The following KCTD10 variants were observed in gnomAD, a reference collection of about 807,000 sequenced individuals.
The protein encoded by KCTD10 is potassium channel tetramerization domain containing 10.
A neutral mutation model predicts 34.6 loss-of-function variants in KCTD10; 13 were observed. That is an observed-to-expected ratio of 0.38 (90% CI 0.24 to 0.60). The LOEUF (loss-of-function observed/expected upper bound fraction) is 0.60. Among genes scored for constraint, KCTD10 ranks in the 20% least tolerant of loss-of-function variants. KCTD10 has a pLI of 0.66. For missense variants in KCTD10, 256 were observed against 420.3 expected (o/e 0.61, Z 3.42); for synonymous variants, 156 against 168.8 (o/e 0.92, Z 0.59).
chr12:109,469,187 G>A, intron 2 of KCTD10: 1 of 305,524 alleles, frequency 3.3e-6, no homozygotes, highest in Non-Finnish European at 6.2e-6. Flanking sequence ...ATGGGGAGCT[G>A]AGACTGAAAC....
At chr12:109,452,851 T>TTTTTTTTTTTTTC (rs1872846555) in intron 6 of KCTD10, among the ~76,000 whole-genome samples, 1 of 151,536 alleles carries the variant, frequency 6.6e-6, no homozygotes, top group Non-Finnish European at 1.5e-5. Flanking sequence ...TTTCCTTTTT[T>TTTTTTTTTTTTTC]TTTAAAAGAT....
Position 109,460,924 on chromosome 12 carries a change from AGAATGGCAGC to A in KCTD10, c.218-129_218-120del, listed in dbSNP as rs1265180208. On this transcript the variant is annotated intron_variant, in intron 2 of 6. Coordinates refer to ENST00000228495, the MANE Select transcript of KCTD10 (RefSeq NM_031954.5). This position sits in a 1 kb window ranked among gnomAD's most constrained non-coding sequence, Gnocchi z 4.5. The stretch of plus-strand genomic sequence containing the variant: ...CCCAGCGGAGAGCGGGACTGCCTGG[AGAATGGCAGC>A]CTCACCTGCCTACCTGCCCACTAAG... 207 of 1,032,654 alleles carry A rather than the reference AGAATGGCAGC, an allele frequency of 2.0e-4. No homozygotes were observed. In the African/African-American group the frequency reaches 2.4e-3, roughly 12 times the overall value. The allele number at this position is 1,032,654 out of a possible 1,614,324, so 64.0% of individuals were successfully genotyped here.
chr12:109,467,176 A>T (rs1216772285), intron 2 of KCTD10, among the ~76,000 whole-genome samples: 1 of 152,254 alleles, frequency 6.6e-6, no homozygotes, highest in Non-Finnish European at 1.5e-5. Flanking sequence ...GCAGACAGTA[A>T]GAGGCAGCAA....
chr12:109,457,944 A>G, intron 4 of KCTD10, 48 bp downstream of exon 4: 1 of 1,451,648 alleles, frequency 6.9e-7, no homozygotes, highest in Non-Finnish European at 9.7e-7. Flanking sequence ...AAGAACCTCC[A>G]TCATTTCTGG....
At chr12:109,461,300 T>G (rs1323871827) in intron 2 of KCTD10, among the ~76,000 whole-genome samples, 1 of 152,230 alleles carries the variant, frequency 6.6e-6, no homozygotes. Flanking sequence ...CTGTGACCTC[T>G]GACTCCCAAG....
chr12:109,458,387 T>A, intron 3 of KCTD10: 2 of 260,820 alleles, frequency 7.7e-6, no homozygotes, highest in East Asian at 7.9e-5. Flanking sequence ...CGTGTTTTAA[T>A]CAAAAGCTCC....
At chr12:109,472,646 A>G (rs1189981374) in intron 1 of KCTD10, among the ~76,000 whole-genome samples, 1 of 152,356 alleles carries the variant, frequency 6.6e-6, no homozygotes, top group Non-Finnish European at 1.5e-5. Context: ...TGCTAGACTT[A>G]TACAACTGGC....
intron 6 of KCTD10, among the ~76,000 whole-genome samples, chr12:109,455,760 G>A (rs569342963): frequency 6.6e-6 from 1 of 152,332 alleles, no homozygotes; most frequent in South Asian, 2.1e-4. Flanking sequence ...ATCTCTAGCA[G>A]CACTATGCAG....
At chr12:109,464,720 C>A in intron 2 of KCTD10, 1 of 404,116 alleles carries the variant, frequency 2.5e-6, no homozygotes, top group Non-Finnish European at 5.0e-6. Flanking sequence ...CACATAAAAA[C>A]ATGCTCAACG....
At chr12:109,461,874 G>A (rs930411966) in intron 2 of KCTD10, among the ~76,000 whole-genome samples, 2 of 152,256 alleles carry the variant, frequency 1.3e-5, no homozygotes, top group African/African-American at 2.4e-5. Flanking sequence ...ATGCCAGTGC[G>A]CAGGGCCGTG....
intron 6 of KCTD10, among the ~76,000 whole-genome samples, chr12:109,454,704 G>C (rs1163102779): frequency 6.6e-6 from 1 of 152,178 alleles, no homozygotes; most frequent in African/African-American, 2.4e-5. Context: ...ACTCAAGCCT[G>C]GGTGACAGAG....
rs570096018 is a variant in KCTD10 at position 109,476,703 on chromosome 12, T to C, written c.3+557A>G. Among the ~76,000 whole-genome samples the C allele has an allele frequency of 1.7e-4, 26 of 152,180 alleles. No individual in the cohort carries two copies. In the Middle Eastern group the frequency reaches 0.014, roughly 80 times the overall value. ...AGCCTGCTGGGCTCTCTCGATTTCT[T>C]TCCCTCACTGGGCCGTGTGTTCAGA... is the stretch of plus-strand genomic sequence containing the variant. On this transcript the variant is annotated intron_variant, in intron 1 of 6. Coordinates refer to ENST00000228495, the MANE Select transcript of KCTD10 (RefSeq NM_031954.5).
chr12:109,476,236 G>C (rs1296831686), intron 1 of KCTD10, among the ~76,000 whole-genome samples: 1 of 152,180 alleles, frequency 6.6e-6, no homozygotes. Flanking sequence ...GAGAACCACT[G>C]GTTTATGCTG....
intron 2 of KCTD10, chr12:109,469,016 ATATC>A (rs985070903): frequency 9.0e-4 from 138 of 153,234 alleles, no homozygotes; most frequent in African/African-American, 2.6e-3. Flanking sequence ...GTGTGTGTGT[ATATC>A]TATCTATCTA....
At chr12:109,470,607 T>C in intron 1 of KCTD10, 8 of 985,250 alleles carry the variant, frequency 8.1e-6, no homozygotes, top group Non-Finnish European at 9.6e-6. Flanking sequence ...GAATCTGGGG[T>C]AGCCCCCACG....
intron 1 of KCTD10, chr12:109,470,977 G>A: frequency 3.3e-6 from 1 of 307,680 alleles, no homozygotes; most frequent in Non-Finnish European, 4.8e-6. Flanking sequence ...CCCAACACAA[G>A]CCCACAGCCC....
At chr12:109,475,263 C>G (rs1252992902) in intron 1 of KCTD10, among the ~76,000 whole-genome samples, 1 of 151,786 alleles carries the variant, frequency 6.6e-6, no homozygotes, top group East Asian at 1.9e-4. Flanking sequence ...TGCTTGAGCC[C>G]AGGAATTCGA....
intron 2 of KCTD10, among the ~76,000 whole-genome samples, chr12:109,461,840 C>T (rs977979013): frequency 5.9e-5 from 9 of 152,238 alleles, no homozygotes; most frequent in African/African-American, 2.2e-4. Flanking sequence ...CCCCACGGCT[C>T]CTGCCACGCA....
At chr12:109,474,099 C>T (rs932411992) in intron 1 of KCTD10, among the ~76,000 whole-genome samples, 1 of 151,606 alleles carries the variant, frequency 6.6e-6, no homozygotes. Context: ...ATTTTTAGTA[C>T]AGACGGGATT....
Sources: allele counts gnomAD v4.1 joint callset (sites outside exome capture counted in the v4.1 genomes callset), GRCh38; gene constraint gnomAD v4.1.1; non-coding constraint Gnocchi (gnomAD v3.1); transcripts MANE v1.5; gene names NCBI Gene and HGNC (gene_info 2026-07-23, HGNC 2026-07-21).